Variants in SPTLC2 observed in about 807,000 individuals in gnomAD.
The protein encoded by SPTLC2 is serine palmitoyltransferase 2.
In SPTLC2, 21 loss-of-function variants were observed where a neutral mutation model predicts 62.0. The ratio of observed to expected loss-of-function variants is 0.34; its 90% CI spans 0.24 to 0.49. The LOEUF is 0.49. Ranked by LOEUF, SPTLC2 falls within the 20% of genes least tolerant of loss-of-function variation. SPTLC2 has a pLI of 0.99. For missense variants in SPTLC2, 511 were observed against 713.0 expected, an observed-to-expected ratio of 0.72 and a Z score of 3.23; for synonymous variants, 261 against 261.8, an observed-to-expected ratio of 1.00 and a Z score of 0.03.
chr14:77,554,868 C>T (rs1437853134), intron 8 of SPTLC2: 1 of 237,550 alleles, frequency 4.2e-6, no homozygotes, highest in Admixed American at 5.1e-5. Flanking sequence ...CCACAGCTGG[C>T]ACAACTTTTT....
rs1190713237 is a variant in SPTLC2 at position 77,513,016 on chromosome 14, CTTTTTT to C, written c.1570-619_1570-614del. 9.2e-4 allele frequency among the ~76,000 whole-genome samples: 58 copies of C among 62,830 alleles called. 1 individual carries two copies. Among genetic ancestry groups the C allele is most frequent in the Admixed American group, 1.9e-3 (6 of 3,174 alleles). 41.2% of individuals were successfully genotyped at this position (62,830 alleles called of 152,430 possible). Reference sequence around the variant, plus strand: ...AGGCGTAAGCCAACGAACCCAGCAACTTTTTTTTTTTTTTTTTTTTTTTTTTTGAGA... The same window carrying C: ...AGGCGTAAGCCAACGAACCCAGCAACTTTTTTTTTTTTTTTTTTTTTGAGA... On this transcript the variant is annotated intron_variant, in intron 11 of 11. Transcript: ENST00000216484.
At chr14:77,545,459 G>C (rs2079523116) in intron 9 of SPTLC2, among the ~76,000 whole-genome samples, 1 of 152,128 alleles carries the variant, frequency 6.6e-6, no homozygotes, top group African/African-American at 2.4e-5. Context: ...AGTAGAGACA[G>C]GGTTTCGCCA....
At chr14:77,565,590 C>T (rs111310199) in intron 5 of SPTLC2, among the ~76,000 whole-genome samples, 106 of 152,198 alleles carry the variant, frequency 7.0e-4, no homozygotes, top group African/African-American at 2.3e-3. Context: ...ACAGACAGAC[C>T]CAAATTGGAG....
intron 1 of SPTLC2, among the ~76,000 whole-genome samples, chr14:77,609,806 G>C (rs1428855860): frequency 6.6e-6 from 1 of 152,120 alleles, no homozygotes; most frequent in Non-Finnish European, 1.5e-5. Flanking sequence ...TGGGAGGATT[G>C]ATTGAGCCCA....
At chr14:77,547,721 G>C (rs1344618532) in intron 9 of SPTLC2, 1 of 152,072 alleles carries the variant, frequency 6.6e-6, no homozygotes, top group Non-Finnish European at 1.5e-5. Flanking sequence ...CCTACTTCTG[G>C]GAGGTCATCA....
At chr14:77,596,480 G>T (rs775132821) in intron 2 of SPTLC2, among the ~76,000 whole-genome samples, 4 of 151,916 alleles carry the variant, frequency 2.6e-5, no homozygotes, top group Non-Finnish European at 5.9e-5. Flanking sequence ...TCCAGCCTGG[G>T]TTGACAAAGC....
chr14:77,539,720 C>G (rs1045186139), intron 9 of SPTLC2, among the ~76,000 whole-genome samples: 2 of 151,614 alleles, frequency 1.3e-5, no homozygotes, highest in Non-Finnish European at 2.9e-5. Flanking sequence ...AAACTCCTAA[C>G]CTCAAGTGAT....
chr14:77,598,326 A>G (rs2079859413), intron 1 of SPTLC2, among the ~76,000 whole-genome samples: 2 of 152,202 alleles, frequency 1.3e-5, no homozygotes, highest in Non-Finnish European at 2.9e-5. Flanking sequence ...AATAGATTCT[A>G]AAATGCTAGC....
chr14:77,538,079 C>T (rs1000615159), intron 9 of SPTLC2, among the ~76,000 whole-genome samples: 3 of 152,230 alleles, frequency 2.0e-5, no homozygotes, highest in Non-Finnish European at 4.4e-5. Context: ...GCTGATTTTA[C>T]TAACATATAA....
chr14:77,517,778 G>C (rs1258073447), intron 11 of SPTLC2, among the ~76,000 whole-genome samples: 7 of 152,136 alleles, frequency 4.6e-5, no homozygotes, highest in Non-Finnish European at 7.4e-5. Flanking sequence ...GAAATAGCTA[G>C]AGTGGAAAGA....
intron 9 of SPTLC2, among the ~76,000 whole-genome samples, chr14:77,534,747 C>T (rs2079460346): frequency 1.3e-5 from 2 of 152,052 alleles, no homozygotes; most frequent in African/African-American, 4.8e-5. Flanking sequence ...ATTAAAAAAA[C>T]ATATGCTGAG....
intron 2 of SPTLC2, among the ~76,000 whole-genome samples, chr14:77,590,021 G>C (rs1317560412): frequency 6.6e-6 from 1 of 151,236 alleles, no homozygotes; most frequent in Non-Finnish European, 1.5e-5. Context: ...TGTCACCCAG[G>C]CTAGAGTGCA....
chr14:77,569,547 G>A (rs953458509), intron 5 of SPTLC2, among the ~76,000 whole-genome samples: 12 of 151,798 alleles, frequency 7.9e-5, no homozygotes, highest in Non-Finnish European at 1.6e-4. Flanking sequence ...ACAGCTAAGT[G>A]TGACCATATA....
At chr14:77,611,230 G>C (rs1272618971) in intron 1 of SPTLC2, among the ~76,000 whole-genome samples, 2 of 151,590 alleles carry the variant, frequency 1.3e-5, no homozygotes, top group South Asian at 2.1e-4. Flanking sequence ...GTGAACCTGG[G>C]AAGTAGAGCT....
rs762112599 is a variant in SPTLC2, at chr14:77,518,288, G to C, written c.1440-121C>G. 676 of 1,437,206 alleles carry C rather than the reference G, an allele frequency of 4.7e-4. 3 individuals are homozygous for C. The highest frequency in any genetic ancestry group is 7.5e-4 in the South Asian group (62 of 82,194). The allele number at this position is 1,437,206 out of a possible 1,614,324, so 89.0% of individuals were successfully genotyped here. A position where few individuals can be genotyped will look rare whatever the true frequency, so the allele number is the denominator to read the frequency against. On this transcript the variant is annotated intron_variant, in intron 10 of 11. Transcript: ENST00000216484. Reference sequence around the variant, plus strand: ...TGCAGGCATTGGAGACTTCTAATAGGAGTTTCCTTTAACTCCTTTTAAAGT... The same window carrying C: ...TGCAGGCATTGGAGACTTCTAATAGCAGTTTCCTTTAACTCCTTTTAAAGT...
intron 2 of SPTLC2, among the ~76,000 whole-genome samples, chr14:77,592,321 G>A (rs1464831456): frequency 6.6e-6 from 1 of 151,714 alleles, no homozygotes; most frequent in East Asian, 2.0e-4. Context: ...TTTTAGTAGA[G>A]ATGGGGTTTC....
At chr14:77,597,073 A>G (rs2140056041) in intron 2 of SPTLC2, 113 bp downstream of exon 2, 4 of 996,098 alleles carry the variant, frequency 4.0e-6, no homozygotes, top group Non-Finnish European at 6.0e-6. Context: ...TGCATCTGGA[A>G]TAGTTTAATT....
chr14:77,524,032 T>C (rs936125757), intron 9 of SPTLC2, among the ~76,000 whole-genome samples: 3 of 152,146 alleles, frequency 2.0e-5, no homozygotes, highest in Admixed American at 6.6e-5. Flanking sequence ...AAGGCCATTA[T>C]AAATATGATC....
At chr14:77,552,422 G>A (rs530730398) in intron 8 of SPTLC2, among the ~76,000 whole-genome samples, 200 bp from the exon 9 acceptor site, 29 of 152,296 alleles carry the variant, frequency 1.9e-4, no homozygotes, top group Non-Finnish European at 4.0e-4. Context: ...AAAGTTCTTA[G>A]GTTTGGTTTT....
Sources: allele counts gnomAD v4.1 joint callset (sites outside exome capture counted in the v4.1 genomes callset), GRCh38; gene constraint gnomAD v4.1.1; transcripts MANE v1.5; gene names NCBI Gene and HGNC (gene_info 2026-07-23, HGNC 2026-07-21).